The following NR1H4 variants were observed in gnomAD, a reference collection of about 807,000 sequenced individuals.
NR1H4 encodes the protein nuclear receptor subfamily 1 group H member 4.
NR1H4 carries 23 observed loss-of-function variants against 58.5 expected under a neutral mutation model. The observed-to-expected ratio is 0.39, with a 90% CI of 0.28 to 0.56. NR1H4 has a LOEUF of 0.56. Among genes scored for constraint, NR1H4 ranks in the 20% least tolerant of loss-of-function variants. The pLI, the probability that NR1H4 is intolerant of heterozygous loss-of-function variation, is 0.58. For synonymous variants in NR1H4, 214 were observed against 198.0 expected (o/e 1.08, Z -0.68); for missense variants, 487 against 576.9 (o/e 0.84, Z 1.60).
chr12:100,556,603 A>T (rs1364216787), intron 9 of NR1H4, among the ~76,000 whole-genome samples: 5 of 152,190 alleles, frequency 3.3e-5, no homozygotes, highest in African/African-American at 9.7e-5. Flanking sequence ...GTTACCCATG[A>T]TTACAGCTGC....
intron 5 of NR1H4, 73 bp downstream of exon 5, chr12:100,532,683 A>C: frequency 7.3e-7 from 1 of 1,367,376 alleles, no homozygotes; most frequent in East Asian, 2.3e-5. Flanking sequence ...TCATCACGAG[A>C]GTGCTACTTC....
intron 4 of NR1H4, among the ~76,000 whole-genome samples, chr12:100,529,165 G>GA (rs1413216743): frequency 6.6e-6 from 1 of 152,154 alleles, no homozygotes; most frequent in Admixed American, 6.6e-5. Context: ...TACACCAGCT[G>GA]AAAAATTCAC....
Position 100,493,305 on chromosome 12 carries a change from T to A in NR1H4, c.-19T>A. On this transcript the variant is annotated 5_prime_UTR_variant, in exon 3 of 11. Transcript: ENST00000392986. ...TGAAGACCACCATAAAGAAAGTGCA[T>A]TTCAATTGAAAAATTTGGATGGGAT... 7.5e-7 allele frequency: 1 copy of A among 1,338,760 alleles called. No individual in the cohort carries two copies. The allele number at this position is 1,338,760 out of a possible 1,614,324, so 82.9% of individuals were successfully genotyped here. A position where few individuals can be genotyped will look rare whatever the true frequency, so the allele number is the denominator to read the frequency against.
At chr12:100,529,699 C>A (rs1954646245) in intron 4 of NR1H4, among the ~76,000 whole-genome samples, 1 of 152,152 alleles carries the variant, frequency 6.6e-6, no homozygotes, top group Non-Finnish European at 1.5e-5. Context: ...TTCTTCAAAG[C>A]CCAGATCAAA....
At chr12:100,534,173 G>C (rs552331056) in intron 5 of NR1H4, among the ~76,000 whole-genome samples, 19 of 152,314 alleles carry the variant, frequency 1.2e-4, no homozygotes, top group Admixed American at 2.6e-4. Context: ...GATTACAGGC[G>C]TGAGCCACCG....
intron 4 of NR1H4, among the ~76,000 whole-genome samples, chr12:100,513,251 A>G (rs916452373): frequency 1.3e-5 from 2 of 152,224 alleles, no homozygotes; most frequent in East Asian, 1.9e-4. Context: ...GAATGACACA[A>G]TGAAAAACCA....
chr12:100,543,228 A>G (rs1157699581), intron 9 of NR1H4, among the ~76,000 whole-genome samples: 1 of 152,182 alleles, frequency 6.6e-6, no homozygotes, highest in Non-Finnish European at 1.5e-5. Context: ...GTTACATTAA[A>G]GGGAAATAGA....
intron 4 of NR1H4, among the ~76,000 whole-genome samples, chr12:100,532,197 G>T (rs1390780244): frequency 6.6e-6 from 1 of 152,132 alleles, no homozygotes; most frequent in African/African-American, 2.4e-5. Context: ...AAAGTAATTT[G>T]TCTTAGAAAA....
intron 1 of NR1H4, among the ~76,000 whole-genome samples, chr12:100,486,434 A>G (rs986206986): frequency 2.0e-5 from 3 of 152,194 alleles, no homozygotes; most frequent in African/African-American, 7.2e-5. Context: ...TCAATCAACA[A>G]ACTGGAACAT....
At chr12:100,530,100 C>T (rs1194000645) in intron 4 of NR1H4, among the ~76,000 whole-genome samples, 1 of 152,170 alleles carries the variant, frequency 6.6e-6, no homozygotes, top group African/African-American at 2.4e-5. Context: ...CAAGGAATGT[C>T]TTATTCATCT....
At chr12:100,510,617 A>T (rs1329178306) in intron 3 of NR1H4, among the ~76,000 whole-genome samples, 161 bp from the exon 4 acceptor site, 5 of 144,588 alleles carry the variant, frequency 3.5e-5, no homozygotes, top group African/African-American at 1.2e-4. Context: ...TTATATATAT[A>T]TATATATATA....
chr12:100,504,560 C>T (rs1000799122), intron 3 of NR1H4, among the ~76,000 whole-genome samples: 1 of 152,168 alleles, frequency 6.6e-6, no homozygotes, highest in African/African-American at 2.4e-5. Context: ...TCAAAGAGTT[C>T]ACAGACTAAT....
intron 3 of NR1H4, chr12:100,505,948 C>T: frequency 3.7e-6 from 1 of 270,632 alleles, no homozygotes; most frequent in Non-Finnish European, 7.1e-6. Flanking sequence ...TGTGTCTTTT[C>T]ACTTTCATAT....
At chr12:100,556,414 C>T (rs954795909) in intron 9 of NR1H4, among the ~76,000 whole-genome samples, 1 of 151,340 alleles carries the variant, frequency 6.6e-6, no homozygotes, top group Admixed American at 6.6e-5. Context: ...TTGCGGTGAG[C>T]CTAGACCGTG....
intron 4 of NR1H4, among the ~76,000 whole-genome samples, chr12:100,530,773 G>T (rs1269486853): frequency 6.6e-6 from 1 of 152,160 alleles, no homozygotes; most frequent in Non-Finnish European, 1.5e-5. Flanking sequence ...TTGGAAAATG[G>T]TGTCCCCTCA....
intron 8 of NR1H4, among the ~76,000 whole-genome samples, chr12:100,538,973 T>C (rs1035336700): frequency 6.6e-6 from 1 of 152,204 alleles, no homozygotes; most frequent in South Asian, 2.1e-4. Flanking sequence ...AGGAAAGAAC[T>C]GGAAAAAGGA....
chr12:100,474,894 C>T (rs185601285), intron 1 of NR1H4, among the ~76,000 whole-genome samples: 20 of 152,098 alleles, frequency 1.3e-4, no homozygotes, highest in Non-Finnish European at 2.4e-4. Context: ...GTTTCTGGTG[C>T]TGTCTTAGAA....
chr12:100,548,456 C>A (rs896242125), intron 9 of NR1H4, among the ~76,000 whole-genome samples: 1 of 151,954 alleles, frequency 6.6e-6, no homozygotes, highest in African/African-American at 2.4e-5. Flanking sequence ...ACAGGCAAGG[C>A]TTTCTGACTC....
At chr12:100,494,691 T>G (rs1347908917) in intron 3 of NR1H4, among the ~76,000 whole-genome samples, 1 of 152,258 alleles carries the variant, frequency 6.6e-6, no homozygotes, top group Non-Finnish European at 1.5e-5. Context: ...CATTTGCTTC[T>G]GGCCTGCCTG....
Sources: allele counts gnomAD v4.1 joint callset (sites outside exome capture counted in the v4.1 genomes callset), GRCh38; gene constraint gnomAD v4.1.1; transcripts MANE v1.5; gene names NCBI Gene and HGNC (gene_info 2026-07-23, HGNC 2026-07-21).